The following PTPRD variants were observed in gnomAD, a reference collection of about 807,000 sequenced individuals.
The protein encoded by PTPRD is receptor-type tyrosine-protein phosphatase delta.
A neutral mutation model predicts 214.5 loss-of-function variants in PTPRD; 34 were observed. The observed-to-expected ratio is 0.16, with a 90% CI of 0.12 to 0.21. The LOEUF (loss-of-function observed/expected upper bound fraction) is 0.21, where lower values mean the gene tolerates loss of function less well. Among genes scored for constraint, PTPRD ranks in the 10% least tolerant of loss-of-function variants. PTPRD has a pLI of 1.00. For missense variants in PTPRD, 2,545 were observed against 2,398.7 expected, an observed-to-expected ratio of 1.06 and a Z score of -1.27; for synonymous variants, 1,128 against 845.7, an observed-to-expected ratio of 1.33 and a Z score of -5.79.
chr9:9,123,774 T>C (rs1337665436), intron 10 of PTPRD, among the ~76,000 whole-genome samples: 1 of 152,156 alleles, frequency 6.6e-6, no homozygotes, highest in South Asian at 2.1e-4. Flanking sequence ...TGTTGAAAGG[T>C]AGATTCCAAA....
At chr9:8,669,924 G>T (rs538611893) in intron 12 of PTPRD, among the ~76,000 whole-genome samples, 2 of 152,226 alleles carry the variant, frequency 1.3e-5, no homozygotes, top group African/African-American at 4.8e-5. Context: ...AAGTCCCTGT[G>T]AAATGATGTC....
At chr9:8,916,017 G>T (rs1173919481) in intron 11 of PTPRD, among the ~76,000 whole-genome samples, 1 of 152,128 alleles carries the variant, frequency 6.6e-6, no homozygotes, top group Admixed American at 6.6e-5. Context: ...CTTGATAGCT[G>T]GTGGTTACAT....
chr9:9,995,077 CT>C, intron 4 of PTPRD, among the ~76,000 whole-genome samples: 1 of 152,100 alleles, frequency 6.6e-6, no homozygotes, highest in East Asian at 1.9e-4. Context: ...ATGAATTAAT[CT>C]AATCTCTTTA....
chr9:9,384,131 T>C lies in PTPRD; in HGVS notation c.-203+13318A>G, dbSNP rs1024523612. On this transcript the variant is annotated intron_variant, in intron 9 of 45. Coordinates refer to ENST00000381196, the MANE Select transcript of PTPRD (RefSeq NM_002839.4). ...TTTCACATACTTTTTTTTTTGCTTA[T>C]AGATACATAATTTATATTTTACAAA... Among the ~76,000 whole-genome samples the C allele has an allele frequency of 5.3e-5, 8 of 151,762 alleles. No individual in the cohort carries two copies. In the Middle Eastern group the frequency reaches 0.014, roughly 258 times the overall value.
chr9:10,368,200 T>C (rs142786333), intron 2 of PTPRD, among the ~76,000 whole-genome samples: 25 of 152,242 alleles, frequency 1.6e-4, no homozygotes, highest in Non-Finnish European at 8.8e-5. Flanking sequence ...TCTTTATATG[T>C]TGTTTTCAGT....
At chr9:8,453,398 T>TCA (rs1200467238) in intron 33 of PTPRD, among the ~76,000 whole-genome samples, 2 of 151,980 alleles carry the variant, frequency 1.3e-5, no homozygotes, top group Non-Finnish European at 2.9e-5. Context: ...TCTCCTGACC[T>TCA]TGTGATCCAC....
intron 2 of PTPRD, among the ~76,000 whole-genome samples, chr9:10,570,546 G>A (rs2067104093): frequency 6.6e-6 from 1 of 151,900 alleles, no homozygotes; most frequent in South Asian, 2.1e-4. Flanking sequence ...ACTTAGATCA[G>A]GTTCTGGAAA....
intron 10 of PTPRD, among the ~76,000 whole-genome samples, chr9:9,069,056 T>C (rs1161791648): frequency 1.3e-5 from 2 of 152,088 alleles, no homozygotes; most frequent in Non-Finnish European, 1.5e-5. Flanking sequence ...AAAAAACAAA[T>C]TAAGAATATG....
intron 2 of PTPRD, among the ~76,000 whole-genome samples, chr9:10,362,463 G>C (rs1194346871): frequency 1.3e-5 from 2 of 151,400 alleles, no homozygotes; most frequent in East Asian, 3.9e-4. Flanking sequence ...TACAACAAAA[G>C]AATATGTAGA....
intron 12 of PTPRD, among the ~76,000 whole-genome samples, chr9:8,696,261 G>C (rs910945364): frequency 1.3e-5 from 2 of 152,102 alleles, no homozygotes; most frequent in African/African-American, 4.8e-5. Flanking sequence ...ATTTTCTGTG[G>C]CAAGGCTCTT....
intron 3 of PTPRD, among the ~76,000 whole-genome samples, chr9:10,151,880 G>A (rs1330632301): frequency 6.6e-6 from 1 of 152,108 alleles, no homozygotes; most frequent in Non-Finnish European, 1.5e-5. Context: ...AATCTATGTT[G>A]TGTGTATCAA....
At chr9:8,322,353 A>T (rs2130915359) in intron 44 of PTPRD, among the ~76,000 whole-genome samples, 1 of 152,332 alleles carries the variant, frequency 6.6e-6, no homozygotes, top group Admixed American at 6.5e-5. Context: ...CAAACAGCCT[A>T]GTTGTGAATG....
At chr9:9,996,901 G>A (rs1377697691) in intron 4 of PTPRD, among the ~76,000 whole-genome samples, 1 of 152,130 alleles carries the variant, frequency 6.6e-6, no homozygotes, top group Admixed American at 6.5e-5. Flanking sequence ...ATTTATATTA[G>A]ATTAAATATC....
chr9:9,042,530 G>C (rs921777453), intron 10 of PTPRD, among the ~76,000 whole-genome samples: 1 of 151,980 alleles, frequency 6.6e-6, no homozygotes, highest in Non-Finnish European at 1.5e-5. Context: ...AAAACAGCAG[G>C]TGCCAGATGA....
chr9:8,899,623 G>T (rs926471091), intron 11 of PTPRD, among the ~76,000 whole-genome samples: 2 of 152,188 alleles, frequency 1.3e-5, no homozygotes, highest in African/African-American at 4.8e-5. Context: ...TGGGAAGGTT[G>T]TTGAGGGTGG....
At chr9:9,525,381 C>G (rs2073885064) in intron 8 of PTPRD, among the ~76,000 whole-genome samples, 1 of 152,214 alleles carries the variant, frequency 6.6e-6, no homozygotes, top group African/African-American at 2.4e-5. Flanking sequence ...TATTGCTAAT[C>G]TTCAGTATAC....
intron 11 of PTPRD, among the ~76,000 whole-genome samples, chr9:8,929,913 G>T (rs1375468240): frequency 2.3e-5 from 1 of 43,958 alleles, no homozygotes; most frequent in Non-Finnish European, 6.0e-5. Context: ...ATATATATGT[G>T]TGTGTATATA....
intron 2 of PTPRD, among the ~76,000 whole-genome samples, chr9:10,352,722 G>A (rs1480587641): frequency 1.3e-5 from 2 of 151,920 alleles, no homozygotes; most frequent in Non-Finnish European, 2.9e-5. Flanking sequence ...TGATGAAGTG[G>A]TTATATTTCT....
chr9:9,523,445 TAATA>T (rs961853796), intron 8 of PTPRD, among the ~76,000 whole-genome samples: 20 of 152,154 alleles, frequency 1.3e-4, no homozygotes, highest in Non-Finnish European at 2.2e-4. Context: ...GGCATTTTAG[TAATA>T]AATAAATAAA....
Sources: gnomAD v4.1 joint callset for allele counts (sites outside exome capture counted in the v4.1 genomes callset) on GRCh38, gnomAD v4.1.1 for gene constraint, MANE v1.5 for transcripts, NCBI Gene and HGNC (gene_info 2026-07-23, HGNC 2026-07-21) for gene names.